The following DAPK1 variants were observed in gnomAD, a reference collection of about 807,000 sequenced individuals.
DAPK1 encodes death associated protein kinase 1.
DAPK1 carries 56 observed loss-of-function variants against 144.9 expected under a neutral mutation model. That is an observed-to-expected ratio of 0.39 (90% confidence interval 0.31 to 0.48). DAPK1 has a LOEUF of 0.48. DAPK1 is among the 20% of genes least tolerant of loss of function. The pLI is 0.95. For missense variants in DAPK1, 1,454 were observed against 1,875.4 expected (o/e 0.78, Z 4.15); for synonymous variants, 690 against 749.0 (o/e 0.92, Z 1.29).
chr9:87,692,973 TTTTTTTTTTTTTTTTTTTC>T, intron 21 of DAPK1, among the ~76,000 whole-genome samples: 1 of 132,938 alleles, frequency 7.5e-6, no homozygotes, highest in African/African-American at 2.8e-5. Context: ...TTTTTTTTTT[TTTTTTTTTTTTTTTTTTTC>T]TGTTTTCAGA....
intron 2 of DAPK1, among the ~76,000 whole-genome samples, chr9:87,565,717 C>T (rs1827097439): frequency 6.6e-6 from 1 of 152,166 alleles, no homozygotes; most frequent in Non-Finnish European, 1.5e-5. Flanking sequence ...GTTCTTTTCC[C>T]CGTTTTTCAC....
In DAPK1 at chr9:87,706,564, G is replaced by A. The variant is rs765062357; in HGVS notation, c.3493G>A (p.Ala1165Thr). ...CCACCAGCAAAGCACAGAGGGCGAC[G>A]CGGACATCCGCCTGTGGGTGAATGG... is the stretch of plus-strand genomic sequence containing the variant. The part of the protein sequence containing the change: ...WIHQQSTEGD[A>T]DIRLWVNGCK... The change falls in exon 26 of 26, where the codon GCG becomes ACG. Residue 1165 changes from alanine to threonine, a missense_variant. This residue lies in a region of DAPK1 where 1,025 missense variants were observed against 1,237.9 expected (regional missense o/e 0.83). Coordinates refer to ENST00000408954, the MANE Select transcript of DAPK1 (RefSeq NM_004938.4). The surrounding 1 kb of genome is among the most constrained non-coding windows in gnomAD (Gnocchi z 9.0). 3.7e-5 allele frequency: 59 copies of A among 1,613,674 alleles called. 2 individuals carry two copies. The highest frequency in any genetic ancestry group is 3.5e-4 in the South Asian group (32 of 91,078).
intron 2 of DAPK1, among the ~76,000 whole-genome samples, chr9:87,550,694 C>G (rs933328240): frequency 3.3e-5 from 5 of 152,172 alleles, no homozygotes; most frequent in African/African-American, 1.2e-4. Context: ...GTTAGGACAT[C>G]AGTATACAAA....
At chr9:87,579,176 A>ACACT (rs1231597292) in intron 2 of DAPK1, among the ~76,000 whole-genome samples, 4 of 152,194 alleles carry the variant, frequency 2.6e-5, no homozygotes, top group African/African-American at 9.7e-5. Context: ...TGCTTCACAC[A>ACACT]CACTCACTCA....
chr9:87,608,590 C>A lies in DAPK1; in HGVS notation c.284+3415C>A, dbSNP rs567254605. 1.4e-3 allele frequency among the ~76,000 whole-genome samples: 209 copies of A among 152,360 alleles called. 3 individuals are homozygous for A. The highest frequency in any genetic ancestry group is 4.8e-3 in the African/African-American group (199 of 41,576). On this transcript the variant is annotated intron_variant, in intron 3 of 25. Coordinates refer to ENST00000408954, the MANE Select transcript of DAPK1 (RefSeq NM_004938.4). ...AAGTGAGCATACCGTTTTACAGTCCCTGCAGCAATGGATGAGAATTCCGAT... is the reference window on the plus strand; with the variant it reads ...AAGTGAGCATACCGTTTTACAGTCCATGCAGCAATGGATGAGAATTCCGAT...
chr9:87,556,558 C>T (rs541669648), intron 2 of DAPK1, among the ~76,000 whole-genome samples: 17 of 152,140 alleles, frequency 1.1e-4, no homozygotes, highest in Non-Finnish European at 2.2e-4. Context: ...AGGAGGAGTG[C>T]GGGGGATTGG....
intron 18 of DAPK1, among the ~76,000 whole-genome samples, chr9:87,666,806 A>G (rs1476014897): frequency 6.6e-6 from 1 of 151,904 alleles, no homozygotes; most frequent in African/African-American, 2.4e-5. Context: ...GGTTCTCTTG[A>G]CTTTGAAGAG....
chr9:87,618,751 G>C (rs1829187214), intron 3 of DAPK1, among the ~76,000 whole-genome samples: 1 of 152,178 alleles, frequency 6.6e-6, no homozygotes, highest in Admixed American at 6.5e-5. Context: ...GAGGGCAGGT[G>C]GGAGTGTGGT....
At chr9:87,667,127 C>G (rs1831088242) in intron 18 of DAPK1, among the ~76,000 whole-genome samples, 1 of 152,154 alleles carries the variant, frequency 6.6e-6, no homozygotes, top group African/African-American at 2.4e-5. Flanking sequence ...ATGGACTTTT[C>G]TTGTGTCCAC....
At chr9:87,571,498 A>AACACACACACACACACACAC (rs768913480) in intron 2 of DAPK1, among the ~76,000 whole-genome samples, 2,025 of 46,312 alleles carry the variant, frequency 0.044, 228 homozygotes, top group Non-Finnish European at 0.052. Flanking sequence ...CACACACCCC[A>AACACACACACACACACACAC]ACACACACAC....
At chr9:87,678,666 C>T (rs1256455265) in intron 19 of DAPK1, among the ~76,000 whole-genome samples, 1 of 152,210 alleles carries the variant, frequency 6.6e-6, no homozygotes, top group Non-Finnish European at 1.5e-5. Context: ...GTTCTCAGCT[C>T]AGATGATTGT....
At position 87,513,909 on chromosome 9, in the gene DAPK1, G is replaced by A. The variant is rs926808039; in HGVS notation, c.62+14770G>A. ...GTTCTGGATAGTTTTCTGTTGTGGG[G>A]GCTGTCTTGTGCATTGTATTTTAGG... On this transcript the variant is annotated intron_variant, in intron 2 of 25. Coordinates refer to ENST00000408954, the MANE Select transcript of DAPK1 (RefSeq NM_004938.4). 7.2e-5 allele frequency among the ~76,000 whole-genome samples: 11 copies of A among 152,136 alleles called. 1 individual carries two copies. Among genetic ancestry groups the A allele is most frequent in the Non-Finnish European group, 1.5e-5 (1 of 68,008 alleles).
chr9:87,538,437 A>G (rs544036219), intron 2 of DAPK1, among the ~76,000 whole-genome samples: 3 of 152,276 alleles, frequency 2.0e-5, no homozygotes, highest in African/African-American at 7.2e-5. Flanking sequence ...TATTTTGCAG[A>G]TCTGTGCTCA....
intron 17 of DAPK1, among the ~76,000 whole-genome samples, chr9:87,656,984 T>C (rs1319421003): frequency 6.6e-6 from 1 of 152,190 alleles, no homozygotes; most frequent in African/African-American, 2.4e-5. Flanking sequence ...CTAGGTTGCT[T>C]GGATTTTTAA....
At chr9:87,659,804 C>T (rs1298790005) in intron 18 of DAPK1, among the ~76,000 whole-genome samples, 1 of 148,658 alleles carries the variant, frequency 6.7e-6, no homozygotes, top group Non-Finnish European at 1.5e-5. Context: ...CTGCAGCCCC[C>T]TCAGTCACTC....
At chr9:87,670,070 T>C (rs1040221631) in intron 19 of DAPK1, among the ~76,000 whole-genome samples, 2 of 152,098 alleles carry the variant, frequency 1.3e-5, no homozygotes, top group African/African-American at 4.8e-5. Flanking sequence ...ATTCATAAAT[T>C]ACCATTATGG....
At chr9:87,622,037 A>G (rs1587778963) in intron 3 of DAPK1, among the ~76,000 whole-genome samples, 2 of 144,924 alleles carry the variant, frequency 1.4e-5, no homozygotes, top group South Asian at 2.2e-4. Context: ...AATGGCTTTC[A>G]TGCTGGCTGC....
At chr9:87,654,915 CT>C (rs1830580442) in intron 17 of DAPK1, among the ~76,000 whole-genome samples, 1 of 152,194 alleles carries the variant, frequency 6.6e-6, no homozygotes, top group Non-Finnish European at 1.5e-5. Flanking sequence ...GTTAAATACA[CT>C]CTTCAAAAAA....
At chr9:87,519,481 A>T (rs1825211427) in intron 2 of DAPK1, among the ~76,000 whole-genome samples, 1 of 151,946 alleles carries the variant, frequency 6.6e-6, no homozygotes, top group African/African-American at 2.4e-5. Context: ...GTTTACCCAA[A>T]CCTTTTATGA....
Sources: allele counts gnomAD v4.1 joint callset (sites outside exome capture counted in the v4.1 genomes callset), GRCh38; gene constraint gnomAD v4.1.1; regional missense constraint gnomAD v4.1.1; non-coding constraint Gnocchi (gnomAD v3.1); transcripts MANE v1.5; gene names NCBI Gene and HGNC (gene_info 2026-07-23, HGNC 2026-07-21).